Variants in ADAMTSL1 observed in about 807,000 individuals in gnomAD.
ADAMTSL1 encodes ADAMTS like 1, also known as ADAMTS-like protein 1.
ADAMTSL1 carries 126 observed loss-of-function variants against 201.8 expected under a neutral mutation model. The ratio of observed to expected loss-of-function variants is 0.62; its 90% CI spans 0.54 to 0.72. The LOEUF (loss-of-function observed/expected upper bound fraction) is 0.72. ADAMTSL1 is among the 30% of genes least tolerant of loss of function. ADAMTSL1 has a pLI of 0.00. For missense variants in ADAMTSL1, 2,679 were observed against 2,277.8 expected (o/e 1.18, Z -3.59); for synonymous variants, 1,121 against 903.4 (o/e 1.24, Z -4.32).
chr9:18,347,961 A>G (rs1835795992), intron 2 of ADAMTSL1, among the ~76,000 whole-genome samples: 1 of 152,212 alleles, frequency 6.6e-6, no homozygotes, highest in Admixed American at 6.5e-5. Context: ...GATGAAAACT[A>G]CAAAGTTGAA....
intron 1 of ADAMTSL1, among the ~76,000 whole-genome samples, chr9:18,152,155 C>T (rs915132876): frequency 2.6e-5 from 4 of 152,048 alleles, no homozygotes; most frequent in African/African-American, 4.8e-5. Flanking sequence ...TCAAAGCACA[C>T]AGCAGAGAGG....
intron 2 of ADAMTSL1, among the ~76,000 whole-genome samples, chr9:18,234,471 G>A (rs959380335): frequency 1.3e-5 from 2 of 152,066 alleles, no homozygotes; most frequent in African/African-American, 2.4e-5. Context: ...ATGAAGCTTC[G>A]GAGCTAGTGT....
intron 2 of ADAMTSL1, among the ~76,000 whole-genome samples, chr9:18,377,571 G>GTTTTGT (rs1837356412): frequency 6.6e-6 from 1 of 151,758 alleles, no homozygotes; most frequent in Admixed American, 6.6e-5. Context: ...TTTTGTTGTT[G>GTTTTGT]TTTTGTTTTT....
At chr9:18,027,432 A>AT (rs552237153) in intron 1 of ADAMTSL1, among the ~76,000 whole-genome samples, 2,909 of 146,210 alleles carry the variant, frequency 0.02, 62 homozygotes, top group South Asian at 0.09. Context: ...TATTTCAAAG[A>AT]TTTTTTTTTT....
chr9:18,455,682 G>A lies in ADAMTSL1; in HGVS notation c.208-49147G>A, dbSNP rs577611423. Among the ~76,000 whole-genome samples, 8 of 152,042 alleles carry A rather than the reference G, an allele frequency of 5.3e-5. No individual in the cohort carries two copies. In the South Asian group the frequency reaches 6.2e-4, roughly 12 times the overall value. ...ATCTAAACAGATGAGAATATAATCC[G>A]TTTTTTAAAAGCAGTGGTTTTTAAA... is the stretch of plus-strand genomic sequence containing the variant. On this transcript the variant is annotated intron_variant, in intron 2 of 29. Transcript: ENST00000680146.
chr9:18,063,710 T>A (rs1822564351), intron 1 of ADAMTSL1, among the ~76,000 whole-genome samples: 1 of 152,192 alleles, frequency 6.6e-6, no homozygotes, highest in South Asian at 2.1e-4. Context: ...ACAGGCAGCC[T>A]ACTTCAGTTT....
intron 2 of ADAMTSL1, among the ~76,000 whole-genome samples, chr9:18,348,273 C>T (rs1337418465): frequency 6.6e-6 from 1 of 152,116 alleles, no homozygotes; most frequent in African/African-American, 2.4e-5. Flanking sequence ...CCTAGCTGAA[C>T]AGATGGAGGG....
At chr9:18,429,701 A>G (rs2133396502) in intron 2 of ADAMTSL1, among the ~76,000 whole-genome samples, 1 of 152,280 alleles carries the variant, frequency 6.6e-6, no homozygotes, top group South Asian at 2.1e-4. Flanking sequence ...TAAAAGTTCT[A>G]TTGTTAAATG....
chr9:18,845,170 C>T (rs549479479), intron 23 of ADAMTSL1, among the ~76,000 whole-genome samples: 20 of 152,324 alleles, frequency 1.3e-4, no homozygotes, highest in Admixed American at 5.9e-4. Context: ...TGTTCCTATT[C>T]GGCCATCTTG....
Position 18,061,425 on chromosome 9 carries a change from G to A in ADAMTSL1, c.88-102437G>A, listed in dbSNP as rs147111163. ...CCTCAGTTTACTCCCATGTGAAGTG[G>A]TACTATGAACTCTTTCTCTATGTCA... On this transcript the variant is annotated intron_variant, in intron 1 of 29. Transcript: ENST00000680146. Among the ~76,000 whole-genome samples, 162 of 152,196 alleles carry A rather than the reference G, an allele frequency of 1.1e-3. 1 individual carries two copies. The highest frequency in any genetic ancestry group is 3.7e-3 in the African/African-American group (155 of 41,536).
At chr9:18,096,328 A>G (rs1824251922) in intron 1 of ADAMTSL1, among the ~76,000 whole-genome samples, 1 of 152,226 alleles carries the variant, frequency 6.6e-6, no homozygotes, top group Admixed American at 6.5e-5. Context: ...TCTTAGTTCT[A>G]TCAATAAACG....
chr9:18,704,324 G>A (rs943056825), intron 13 of ADAMTSL1, among the ~76,000 whole-genome samples: 3 of 152,184 alleles, frequency 2.0e-5, no homozygotes, highest in African/African-American at 7.2e-5. Flanking sequence ...GCCAGCCCTT[G>A]CCCTGTTATA....
intron 1 of ADAMTSL1, among the ~76,000 whole-genome samples, chr9:18,147,555 G>T (rs1826698642): frequency 6.6e-6 from 1 of 152,050 alleles, no homozygotes; most frequent in Non-Finnish European, 1.5e-5. Flanking sequence ...TCTTTACACT[G>T]GTAAGGCTAC....
Position 18,680,589 on chromosome 9 carries a change from G to A in ADAMTSL1, c.1341+73G>A, listed in dbSNP as rs148870646. ...TCCCTCTCATCATCATGGCCCCACC[G>A]GGTACCCTGAGCAGCTCCACACTCT... On this transcript the variant is annotated intron_variant, in intron 11 of 28. Coordinates refer to ENST00000380548, the MANE Select transcript of ADAMTSL1 (RefSeq NM_001040272.6). The A allele has an allele frequency of 3.8e-3, 5,858 of 1,538,564 alleles. 19 individuals carry two copies. The highest frequency in any genetic ancestry group is 4.7e-3 in the Middle Eastern group (28 of 5,916).
At chr9:18,401,696 G>C (rs915821459) in intron 2 of ADAMTSL1, among the ~76,000 whole-genome samples, 1 of 152,114 alleles carries the variant, frequency 6.6e-6, no homozygotes, top group African/African-American at 2.4e-5. Flanking sequence ...TTTTTTTACA[G>C]TGAATCCTTT....
chr9:18,328,384 A>C (rs908980269), intron 2 of ADAMTSL1, among the ~76,000 whole-genome samples: 2 of 152,230 alleles, frequency 1.3e-5, no homozygotes, highest in East Asian at 3.8e-4. Flanking sequence ...GAGGACATGA[A>C]CTGTGACGTA....
At chr9:18,081,323 T>C (rs1372224521) in intron 1 of ADAMTSL1, among the ~76,000 whole-genome samples, 2 of 152,224 alleles carry the variant, frequency 1.3e-5, no homozygotes, top group Non-Finnish European at 2.9e-5. Flanking sequence ...GTAGTAATAC[T>C]TTATTGTGAA....
chr9:18,268,093 C>T (rs547678590), intron 2 of ADAMTSL1, among the ~76,000 whole-genome samples: 1 of 152,102 alleles, frequency 6.6e-6, no homozygotes, highest in South Asian at 2.1e-4. Context: ...TAATGTGCTG[C>T]ATTAAATTGT....
chr9:18,128,774 C>T (rs1397703680), intron 1 of ADAMTSL1, among the ~76,000 whole-genome samples: 1 of 152,000 alleles, frequency 6.6e-6, no homozygotes, highest in Non-Finnish European at 1.5e-5. Context: ...CATATTGTTC[C>T]AGTAAATAAG....
Sources: gnomAD v4.1 joint callset for allele counts (sites outside exome capture counted in the v4.1 genomes callset) on GRCh38, gnomAD v4.1.1 for gene constraint, MANE v1.5 for transcripts, NCBI Gene and HGNC (gene_info 2026-07-23, HGNC 2026-07-21) for gene names.